LRRIQ1: variants seen among roughly 807,000 people sequenced by gnomAD.
LRRIQ1 encodes the protein leucine rich repeats and IQ motif containing 1, also known as leucine-rich repeat- and IQ domain-containing protein 1.
In LRRIQ1, 210 loss-of-function variants were observed where a neutral mutation model predicts 211.9. The observed-to-expected ratio is 0.99, with a 90% CI of 0.89 to 1.11. The LOEUF (loss-of-function observed/expected upper bound fraction) is 1.11. Among genes scored for constraint, LRRIQ1 ranks in the 50% most tolerant of loss-of-function variants. The pLI, the probability that LRRIQ1 is intolerant of heterozygous loss-of-function variation, is 0.00. For synonymous variants in LRRIQ1, 699 were observed against 650.1 expected, an observed-to-expected ratio of 1.08 and a Z score of -1.14; for missense variants, 2,136 against 1,939.5, an observed-to-expected ratio of 1.10 and a Z score of -1.90.
chr12:85,059,994 A>C (rs537225382), intron 8 of LRRIQ1, among the ~76,000 whole-genome samples: 1 of 152,126 alleles, frequency 6.6e-6, no homozygotes, highest in East Asian at 1.9e-4. Flanking sequence ...ACTAAGTTCT[A>C]TGTTAAGACT....
chr12:85,260,127 G>GT (rs199925188), intron 1 of LRRIQ1, among the ~76,000 whole-genome samples: 22 of 67,124 alleles, frequency 3.3e-4, no homozygotes, highest in African/African-American at 1.5e-3. Flanking sequence ...TTTCATGTTG[G>GT]TTAAAAAAAA....
chr12:85,150,954 A>AT (rs937172364), intron 19 of LRRIQ1, among the ~76,000 whole-genome samples: 74 of 151,222 alleles, frequency 4.9e-4, no homozygotes, highest in African/African-American at 1.6e-3. Flanking sequence ...CATAGTTAAC[A>AT]TTTTTTTTGT....
intron 15 of LRRIQ1, among the ~76,000 whole-genome samples, chr12:85,113,216 A>T (rs1887312287): frequency 6.6e-6 from 1 of 152,164 alleles, no homozygotes; most frequent in African/African-American, 2.4e-5. Flanking sequence ...TACCATTTAT[A>T]TCTTGGAAAC....
chr12:85,255,527 C>T (rs1896063333), intron 1 of LRRIQ1, among the ~76,000 whole-genome samples: 1 of 151,696 alleles, frequency 6.6e-6, no homozygotes, highest in Admixed American at 6.6e-5. Context: ...ATAATGAAAT[C>T]TGGGTCTTTT....
intron 18 of LRRIQ1, among the ~76,000 whole-genome samples, chr12:85,131,524 G>C (rs1888762092): frequency 1.3e-5 from 2 of 152,120 alleles, no homozygotes; most frequent in Admixed American, 1.3e-4. Flanking sequence ...ATGTAGATAG[G>C]TAAGAGATAG....
chr12:85,213,633 G>A (rs1893942031), intron 24 of LRRIQ1, among the ~76,000 whole-genome samples: 1 of 151,888 alleles, frequency 6.6e-6, no homozygotes, highest in Non-Finnish European at 1.5e-5. Flanking sequence ...ATCTTATGCA[G>A]GGTGTTTTCT....
chr12:85,116,128 T>A (rs7977507), intron 15 of LRRIQ1, among the ~76,000 whole-genome samples: 35,868 of 152,152 alleles, frequency 0.24, 4,816 homozygotes, highest in African/African-American at 0.34. Context: ...TAGCAAATTC[T>A]TTTTTTGTTG....
chr12:85,158,627 G>A (rs779404594), intron 23 of LRRIQ1, among the ~76,000 whole-genome samples: 31 of 151,912 alleles, frequency 2.0e-4, no homozygotes, highest in South Asian at 2.1e-4. Context: ...ATGCATAATA[G>A]GGACATGGTT....
At chr12:85,122,230 A>G (rs1888039105) in intron 16 of LRRIQ1, among the ~76,000 whole-genome samples, 1 of 152,156 alleles carries the variant, frequency 6.6e-6, no homozygotes, top group Non-Finnish European at 1.5e-5. Context: ...AAATTAACAT[A>G]AGAGAAAATT....
At chr12:85,179,628 A>G (rs1891882668) in intron 24 of LRRIQ1, among the ~76,000 whole-genome samples, 1 of 151,992 alleles carries the variant, frequency 6.6e-6, no homozygotes, top group Admixed American at 6.6e-5. Flanking sequence ...ATAGTTCAGT[A>G]TATCCCCAAC....
chr12:85,233,167 T>A (rs1237879388), intron 26 of LRRIQ1: 2 of 207,986 alleles, frequency 9.6e-6, no homozygotes, highest in Non-Finnish European at 1.9e-5. Flanking sequence ...TCAACCACTC[T>A]ATGTAATAAA....
At chr12:85,153,881 T>G (rs943939563) in intron 22 of LRRIQ1, 123 bp downstream of exon 22, 16 of 945,242 alleles carry the variant, frequency 1.7e-5, no homozygotes, top group Non-Finnish European at 2.5e-5. Context: ...CCATCCAATT[T>G]AGTTTCTTAA....
At chr12:85,043,311 T>A (rs1450122235) in intron 3 of LRRIQ1, among the ~76,000 whole-genome samples, 1 of 151,988 alleles carries the variant, frequency 6.6e-6, no homozygotes, top group Non-Finnish European at 1.5e-5. Context: ...CTTGACTGGA[T>A]TACAAAAAAA....
At chr12:85,106,763 G>C (rs909368615) in intron 15 of LRRIQ1, 148 bp downstream of exon 15, 3 of 607,022 alleles carry the variant, frequency 4.9e-6, no homozygotes, top group Admixed American at 3.5e-5. Flanking sequence ...TTTTGTAAAA[G>C]TAGTTTTAAA....
intron 11 of LRRIQ1, among the ~76,000 whole-genome samples, chr12:85,079,776 T>C (rs1884073955): frequency 6.6e-6 from 1 of 152,160 alleles, no homozygotes; most frequent in African/African-American, 2.4e-5. Context: ...TTTTTCTTTT[T>C]GCCCTTATTT....
chr12:85,197,566 A>T lies in LRRIQ1; in HGVS notation c.4823-31951A>T, dbSNP rs1892991702. Reference sequence around the variant, plus strand: ...AATTGGAAATCATCATTCTCAGTAAACTATCGCAAGAACAAAAAACCAAAC... The same window carrying T: ...AATTGGAAATCATCATTCTCAGTAATCTATCGCAAGAACAAAAAACCAAAC... On this transcript the variant is annotated intron_variant, in intron 24 of 26. Transcript: ENST00000393217. Among the ~76,000 whole-genome samples, 6 of 151,070 alleles carry T rather than the reference A, an allele frequency of 4.0e-5. No individual in the cohort carries two copies. The South Asian group carries it at 1.3e-3, about 31-fold the overall frequency.
intron 18 of LRRIQ1, among the ~76,000 whole-genome samples, chr12:85,136,471 C>T (rs949099971): frequency 1.3e-5 from 2 of 151,814 alleles, no homozygotes; most frequent in African/African-American, 4.8e-5. Context: ...CTGGTTGTTC[C>T]TGAGTTAGAA....
Position 85,055,630 on chromosome 12 carries a change from G to A in LRRIQ1, c.837G>A (p.Leu279=). 1 of 1,579,442 alleles carries A rather than the reference G, an allele frequency of 6.3e-7. No homozygotes were observed. The change falls in exon 8 of 27, where the codon TTG becomes TTA. Residue 279 remains leucine, a synonymous_variant. Coordinates refer to ENST00000393217, the MANE Select transcript of LRRIQ1 (RefSeq NM_001079910.2). ...AACAAGAAAAAGAAAAAAATTCTTT[G>A]TTAAAACAGCAGAATAATGCAGCTG... The part of the protein sequence containing the change: ...KDQQEKEKNS[L]LKQQNNAAVK...
At chr12:85,178,926 C>G (rs1177088826) in intron 24 of LRRIQ1, among the ~76,000 whole-genome samples, 2 of 133,294 alleles carry the variant, frequency 1.5e-5, no homozygotes, top group African/African-American at 5.6e-5. Context: ...AAAAAAAAAA[C>G]AGCCTCTGAG....
Sources: gnomAD v4.1 joint callset for allele counts (sites outside exome capture counted in the v4.1 genomes callset) on GRCh38, gnomAD v4.1.1 for gene constraint, MANE v1.5 for transcripts, NCBI Gene and HGNC (gene_info 2026-07-23, HGNC 2026-07-21) for gene names.